The following HNRNPA1L2 variants were observed in gnomAD, a reference collection of about 807,000 sequenced individuals.
The protein encoded by HNRNPA1L2 is heterogeneous nuclear ribonucleoprotein A1-like 2.
A neutral mutation model predicts 18.2 loss-of-function variants in HNRNPA1L2; 10 were observed. The ratio of observed to expected loss-of-function variants is 0.55; its 90% CI spans 0.34 to 0.93. The LOEUF is 0.93. HNRNPA1L2 is among the 40% of genes least tolerant of loss of function. The probability of loss-of-function intolerance (pLI) is 0.02; values close to 1 mark genes in which losing one functional copy is unlikely to be tolerated. For synonymous variants in HNRNPA1L2, 124 were observed against 138.6 expected (o/e 0.89, Z 0.74); for missense variants, 308 against 394.4 (o/e 0.78, Z 1.85).
At chr13:52,617,770 G>A in the HNRNPA1L2 span, 1 of 415,314 alleles carries the variant, frequency 2.4e-6, no homozygotes, top group Admixed American at 4.3e-5. Context: ...CAACTTCCTG[G>A]TGTCGATGTT....
At chr13:52,641,217 G>C (rs971620245), upstream of HNRNPA1L2, 2 of 152,190 alleles carry the variant, frequency 1.3e-5, no homozygotes, top group Non-Finnish European at 1.5e-5. Flanking sequence ...CTGTGATGCT[G>C]TTGTCATTGT....
chr13:52,617,774 C>T, the HNRNPA1L2 span: 1 of 412,748 alleles, frequency 2.4e-6, no homozygotes. Context: ...TTCCTGGTGT[C>T]GATGTTATTA....
chr13:52,631,294 TGAAA>T, the HNRNPA1L2 span, among the ~76,000 whole-genome samples: 1 of 152,220 alleles, frequency 6.6e-6, no homozygotes, highest in East Asian at 1.9e-4. Context: ...TGTAAAATGC[TGAAA>T]GTGAAACCTA....
chr13:52,624,278 A>C, the HNRNPA1L2 span, among the ~76,000 whole-genome samples: 1 of 151,772 alleles, frequency 6.6e-6, no homozygotes, highest in Non-Finnish European at 1.5e-5. Context: ...CATGCCTGGC[A>C]AATTTTTGTA....
chr13:52,623,098 T>G, the HNRNPA1L2 span, among the ~76,000 whole-genome samples: 1 of 152,166 alleles, frequency 6.6e-6, no homozygotes, highest in African/African-American at 2.4e-5. Flanking sequence ...AGACAATCAG[T>G]ACCCATAATA....
At chr13:52,636,475 T>A in the HNRNPA1L2 span, among the ~76,000 whole-genome samples, 911 of 152,296 alleles carry the variant, frequency 6.0e-3, 2 homozygotes, top group Admixed American at 0.01. Context: ...TGTAATATGA[T>A]GGTGGTAATT....
chr13:52,619,805 C>CCGCTACT, the HNRNPA1L2 span, among the ~76,000 whole-genome samples: 7 of 151,628 alleles, frequency 4.6e-5, no homozygotes, highest in Non-Finnish European at 7.4e-5. Context: ...CCTGTAGTCC[C>CCGCTACT]CGCTACTCGG....
chr13:52,640,821 CT>C (rs1300746177), upstream of HNRNPA1L2: 1 of 152,250 alleles, frequency 6.6e-6, no homozygotes, highest in Non-Finnish European at 1.5e-5. Flanking sequence ...GCCTTATGTC[CT>C]GGTATTTCTT....
chr13:52,619,860 G>A, the HNRNPA1L2 span, among the ~76,000 whole-genome samples: 1 of 143,844 alleles, frequency 7.0e-6, no homozygotes, highest in Admixed American at 7.3e-5. Flanking sequence ...GGCGGAGCTT[G>A]CAGTGAGCTG....
At chr13:52,618,434 C>T in the HNRNPA1L2 span, among the ~76,000 whole-genome samples, 6 of 152,256 alleles carry the variant, frequency 3.9e-5, no homozygotes, top group South Asian at 1.0e-3. Flanking sequence ...ACTCAGAAGC[C>T]AGTTAAGTAC....
chr13:52,629,811 T>A, the HNRNPA1L2 span, among the ~76,000 whole-genome samples: 2 of 152,176 alleles, frequency 1.3e-5, no homozygotes, highest in Non-Finnish European at 2.9e-5. Flanking sequence ...AGGCGTAGGC[T>A]GGGCATGGTG....
chr13:52,626,647 T>G, the HNRNPA1L2 span, among the ~76,000 whole-genome samples: 1 of 152,054 alleles, frequency 6.6e-6, no homozygotes, highest in Admixed American at 6.6e-5. Flanking sequence ...ATTCTTGTAT[T>G]ATATATACCT....
chr13:52,623,395 T>C, the HNRNPA1L2 span, among the ~76,000 whole-genome samples: 12 of 152,302 alleles, frequency 7.9e-5, no homozygotes, highest in East Asian at 1.5e-3. Flanking sequence ...ACCCTTAGAT[T>C]GCTTTGTAAG....
upstream of HNRNPA1L2, among the ~76,000 whole-genome samples, chr13:52,638,984 G>A (rs187998767): frequency 6.6e-6 from 1 of 152,310 alleles, no homozygotes; most frequent in Non-Finnish European, 1.5e-5. Flanking sequence ...TCTTTATGAA[G>A]ATGCTCCTTT....
chr13:52,628,914 C>T, the HNRNPA1L2 span, among the ~76,000 whole-genome samples: 1 of 152,128 alleles, frequency 6.6e-6, no homozygotes, highest in African/African-American at 2.4e-5. Flanking sequence ...TCACTCTTGT[C>T]TCCTCGGCTG....
At chr13:52,618,529 T>A in the HNRNPA1L2 span, among the ~76,000 whole-genome samples, 1 of 152,164 alleles carries the variant, frequency 6.6e-6, no homozygotes, top group East Asian at 1.9e-4. Flanking sequence ...ATTAAGGGGA[T>A]GTGACATCAT....
chr13:52,639,585 T>C (rs181862338), upstream of HNRNPA1L2, among the ~76,000 whole-genome samples: 340 of 152,068 alleles, frequency 2.2e-3, 3 homozygotes, highest in African/African-American at 7.9e-3. Context: ...AGAAGTGCTC[T>C]GAGTGTGTCT....
the HNRNPA1L2 span, among the ~76,000 whole-genome samples, chr13:52,632,790 A>C: frequency 6.6e-6 from 1 of 152,166 alleles, no homozygotes; most frequent in East Asian, 1.9e-4. Flanking sequence ...TCTTATCTCT[A>C]AACTGCTTTT....
At chr13:52,623,894 G>A in the HNRNPA1L2 span, among the ~76,000 whole-genome samples, 2 of 152,306 alleles carry the variant, frequency 1.3e-5, no homozygotes, top group African/African-American at 4.8e-5. Flanking sequence ...TGGGTCCTCA[G>A]TTGGAAGACT....
Sources: gnomAD v4.1 joint callset for allele counts (sites outside exome capture counted in the v4.1 genomes callset) on GRCh38, gnomAD v4.1.1 for gene constraint, MANE v1.5 for transcripts, NCBI Gene and HGNC (gene_info 2026-07-23, HGNC 2026-07-21) for gene names.